TEP1: variants seen among roughly 807,000 people sequenced by gnomAD.
TEP1 encodes the protein telomerase associated protein 1, also known as telomerase protein component 1.
A neutral mutation model predicts 306.3 loss-of-function variants in TEP1; 241 were observed. The observed-to-expected ratio is 0.79, with a 90% confidence interval of 0.71 to 0.88. The LOEUF (loss-of-function observed/expected upper bound fraction) is 0.88. TEP1 is among the 40% of genes least tolerant of loss of function. TEP1 has a pLI of 0.00. For missense variants in TEP1, 3,051 were observed against 3,276.1 expected (o/e 0.93, Z 1.68); for synonymous variants, 1,289 against 1,305.5 (o/e 0.99, Z 0.27).
chr14:20,384,265 T>G (rs748887873), intron 23 of TEP1, 33 bp from the exon 24 acceptor site: 1 of 1,610,534 alleles, frequency 6.2e-7, no homozygotes, highest in Non-Finnish European at 8.5e-7. Flanking sequence ...CTATCCATGG[T>G]GCCATGCTCC....
chr14:20,386,373 A>G (rs1217084532), intron 19 of TEP1, 74 bp downstream of exon 19: 1 of 1,572,742 alleles, frequency 6.4e-7, no homozygotes, highest in Non-Finnish European at 8.6e-7. Flanking sequence ...TGCAGCCCCA[A>G]CCATGCCCAC....
intron 4 of TEP1, 77 bp downstream of exon 4, chr14:20,405,374 C>T: frequency 6.4e-7 from 1 of 1,564,638 alleles, no homozygotes; most frequent in East Asian, 2.3e-5. Flanking sequence ...AAGCTAGTCA[C>T]CACCCCGCCA....
chr14:20,384,718 C>T lies in TEP1; in HGVS notation c.3108-5G>A, dbSNP rs762213321. The T allele has an allele frequency of 1.2e-6, 2 of 1,608,202 alleles. No homozygotes were observed. Among genetic ancestry groups the T allele is most frequent in the South Asian group, 1.1e-5 (1 of 91,026 alleles). On this transcript the variant is annotated splice_polypyrimidine_tract_variant and splice_region_variant and intron_variant, in intron 21 of 54. Coordinates refer to ENST00000262715, the MANE Select transcript of TEP1 (RefSeq NM_007110.5). Reference sequence around the variant, plus strand: ...TTCCAGGCATCTGGCACAGAGCTGACCACCAAAGACCCCAAAAGTTGGAAT... The same window carrying T: ...TTCCAGGCATCTGGCACAGAGCTGATCACCAAAGACCCCAAAAGTTGGAAT...
At position 20,382,608 on chromosome 14, in the gene TEP1, GT is replaced by G. The variant is rs778169483; in HGVS notation, c.4140+14del. The G allele has an allele frequency of 3.8e-5, 61 of 1,613,436 alleles. No individual in the cohort carries two copies. Among genetic ancestry groups the G allele is most frequent in the Middle Eastern group, 3.3e-4 (2 of 6,060 alleles). On this transcript the variant is annotated intron_variant, in intron 28 of 54. Coordinates refer to ENST00000262715, the MANE Select transcript of TEP1 (RefSeq NM_007110.5). ...GGAAGTAGTGATTAGGACTTGGAAG[GT>G]GATGAGAACTGACCTGCTCATACAG...
chr14:20,378,599 C>T, intron 37 of TEP1, 64 bp from the exon 38 acceptor site: 1 of 1,607,328 alleles, frequency 6.2e-7, no homozygotes, highest in Admixed American at 1.7e-5. Flanking sequence ...CAGTCCCAGA[C>T]CTCCAGGAGC....
At chr14:20,386,272 C>T (rs1164199698) in intron 19 of TEP1, 77 bp from the exon 20 acceptor site, 53 of 1,604,044 alleles carry the variant, frequency 3.3e-5, no homozygotes, top group East Asian at 1.1e-4. Context: ...AACAGGGAGA[C>T]GGGGCCCTGA....
chr14:20,390,921 G>T lies in TEP1; in HGVS notation c.2256+17C>A. 6.2e-7 allele frequency: 1 copy of T among 1,613,768 alleles called. No homozygotes were observed. The highest frequency in any genetic ancestry group is 8.5e-7 in the Non-Finnish European group (1 of 1,179,792). On this transcript the variant is annotated intron_variant, in intron 14 of 54. Transcript: ENST00000262715. The stretch of plus-strand genomic sequence containing the variant: ...GTCCTTCATGTATTTTTGGATGGTG[G>T]GTGTTGAGTGTCTGACCTGGACTTG...
rs113174358 is a variant in TEP1 at position 20,373,318 on chromosome 14, C to T, written c.6766G>A (p.Ala2256Thr). The T allele has an allele frequency of 7.4e-5, 120 of 1,614,154 alleles. No homozygotes were observed. The highest frequency in any genetic ancestry group is 7.1e-4 in the African/African-American group (53 of 75,026). The change falls in exon 47 of 55, where the codon GCC (alanine) becomes ACC (threonine). Residue 2256 changes from alanine (A) to threonine (T), a missense_variant. By Grantham distance (58) the Ala-to-Thr change is moderately conservative. Around this residue, in one of 3 missense-constraint regions of TEP1, gnomAD observed 1,540 missense variants for 1,705.9 expected, o/e 0.90. Transcript: ENST00000262715. ...AGCCGTACAGAACCATCCTCAGAGG[C>T]GGTCAGCATGAGGCCTGAGGTTTCT... ...VSETSGLMLT[A>T]SEDGSVRLWQ... is the part of the protein sequence containing the mutation.
chr14:20,389,839 CTG>C, intron 15 of TEP1, 99 bp from the exon 16 acceptor site: 1 of 1,483,148 alleles, frequency 6.7e-7, no homozygotes, highest in Non-Finnish European at 9.1e-7. Context: ...TAGGAGAACT[CTG>C]AGAGGAGTAC....
intron 29 of TEP1, 69 bp downstream of exon 29, chr14:20,382,155 C>A (rs1876623373): frequency 1.2e-6 from 2 of 1,612,654 alleles, no homozygotes; most frequent in Admixed American, 1.7e-5. Flanking sequence ...CCTGCTGAGA[C>A]CCCAAGGGAA....
chr14:20,412,113 C>T (rs1467827523), intron 1 of TEP1, among the ~76,000 whole-genome samples: 1 of 152,136 alleles, frequency 6.6e-6, no homozygotes, highest in Non-Finnish European at 1.5e-5. Flanking sequence ...GAATGACTAA[C>T]AATCCAGGGC....
rs764813678 is a variant in TEP1 at position 20,376,246 on chromosome 14, A to G, written c.6107T>C (p.Leu2036Pro). Residue 2036 changes from leucine (L) to proline (P), a missense_variant, in exon 42 of 55, where the codon CTG becomes CCG. Physicochemically the swap from Leu to Pro is moderately conservative, Grantham distance 98. This residue lies in a region of TEP1 where 1,540 missense variants were observed against 1,705.9 expected (regional missense o/e 0.90). Coordinates refer to ENST00000262715, the MANE Select transcript of TEP1 (RefSeq NM_007110.5). ...CCGCGTCAGCAGCTGCCTTGGCCAC[A>G]GCTGCACTGTGAAATCCTCTGCATT... ...ASASEDFTVQ[L>P]WPRQLLTRPH... 1.9e-6 allele frequency: 3 copies of G among 1,613,598 alleles called. No individual in the cohort carries two copies. The highest frequency in any genetic ancestry group is 1.7e-5 in the Admixed American group (1 of 59,802).
Position 20,391,648 on chromosome 14 carries a change from A to C in TEP1, c.2048T>G (p.Leu683Arg). 6.2e-7 allele frequency: 1 copy of C among 1,614,178 alleles called. No homozygotes were observed. Among genetic ancestry groups the C allele is most frequent in the Non-Finnish European group, 8.5e-7 (1 of 1,180,024 alleles). ...LLPGRTVLVY[L>R]TDANADRLCP... ...GAGCCTGTCTGCATTAGCATCTGTC[A>C]GATAGACCAAGACAGTGCGGCCTGG... is the stretch of plus-strand genomic sequence containing the variant. Residue 683 changes from leucine to arginine, a missense_variant, in exon 13 of 55, where the codon CTG (leucine) becomes CGG (arginine). Coordinates refer to ENST00000262715, the MANE Select transcript of TEP1 (RefSeq NM_007110.5).
chr14:20,390,544 G>T, intron 15 of TEP1, 137 bp downstream of exon 15: 1 of 776,870 alleles, frequency 1.3e-6, no homozygotes. Context: ...CACTGGGTAG[G>T]GGGTTGTAGC....
Position 20,408,221 on chromosome 14 carries a change from G to A in TEP1, c.219C>T (p.Asp73=), listed in dbSNP as rs778703715. 2 of 1,613,520 alleles carry A rather than the reference G, an allele frequency of 1.2e-6. No homozygotes were observed. The highest frequency in any genetic ancestry group is 2.7e-5 in the African/African-American group (2 of 74,898). The change falls in exon 2 of 55, where the codon GAC becomes GAT. Residue 73 remains aspartate (D), a synonymous_variant. Coordinates refer to ENST00000262715, the MANE Select transcript of TEP1 (RefSeq NM_007110.5). ...KPHGYVSAHP[D]ILSLENQCLA... ...GGCACTGGTTCTCCAAGGAGAGGAT[G>A]TCTGGGTGGGCAGACACATATCCAT...
At position 20,381,144 on chromosome 14, in the gene TEP1, G is replaced by T; in HGVS notation, c.4648-99C>A. The T allele has an allele frequency of 8.1e-7, 1 of 1,234,880 alleles. No homozygotes were observed. Among genetic ancestry groups the T allele is most frequent in the Non-Finnish European group, 1.2e-6 (1 of 839,252 alleles). 76.5% of individuals were successfully genotyped at this position (1,234,880 alleles called of 1,614,324 possible). ...GGATACAGAGATAGGATCTGAGCTG[G>T]GACAAAGGACTTGAAGAAGAAGGGC... On this transcript the variant is annotated intron_variant, in intron 32 of 54. Coordinates refer to ENST00000262715, the MANE Select transcript of TEP1 (RefSeq NM_007110.5). The surrounding 1 kb of genome is among the most constrained non-coding windows in gnomAD (Gnocchi z 4.0).
chr14:20,387,837 C>T (rs530223447), intron 18 of TEP1, 68 bp downstream of exon 18: 2 of 1,526,996 alleles, frequency 1.3e-6, no homozygotes, highest in African/African-American at 1.4e-5. Flanking sequence ...AGAATTTCAG[C>T]CCCAGGGTTT....
intron 2 of TEP1, 126 bp downstream of exon 2, chr14:20,407,747 G>C: frequency 2.4e-6 from 2 of 849,212 alleles, no homozygotes; most frequent in South Asian, 1.7e-5. Flanking sequence ...CACCTTAGGA[G>C]AGGCTCTGAG....
At position 20,406,315 on chromosome 14, in the gene TEP1, ACCT is replaced by A; in HGVS notation, c.650_652del (p.Glu217del). ...GGTGAGCTTCACGGCCAGATCCTCC[ACCT>A]CCTCCTCCTCTCCCAAGCTCAGACT... On this transcript the variant is annotated inframe_deletion, in exon 3 of 55. Coordinates refer to ENST00000262715, the MANE Select transcript of TEP1 (RefSeq NM_007110.5). 3 of 1,613,730 alleles carry A rather than the reference ACCT, an allele frequency of 1.9e-6. No individual in the cohort carries two copies. The highest frequency in any genetic ancestry group is 2.5e-6 in the Non-Finnish European group (3 of 1,179,916).
Sources: allele counts gnomAD v4.1 joint callset (sites outside exome capture counted in the v4.1 genomes callset), GRCh38; gene constraint gnomAD v4.1.1; regional missense constraint gnomAD v4.1.1; non-coding constraint Gnocchi (gnomAD v3.1); transcripts MANE v1.5; gene names NCBI Gene and HGNC (gene_info 2026-07-23, HGNC 2026-07-21).